D2HGDH: variants seen among roughly 807,000 people sequenced by gnomAD.
D2HGDH encodes the protein D-2-hydroxyglutarate dehydrogenase, mitochondrial.
Under a neutral mutation model 46.9 loss-of-function variants are expected in D2HGDH, and 31 were observed. The observed-to-expected ratio is 0.66, with a 90% CI of 0.50 to 0.89. The LOEUF (loss-of-function observed/expected upper bound fraction) is 0.89, where lower values mean the gene tolerates loss of function less well. D2HGDH is among the 40% of genes least tolerant of loss of function. The probability of loss-of-function intolerance (pLI) is 0.00; values close to 1 mark genes in which losing one functional copy is unlikely to be tolerated. For missense variants in D2HGDH, 698 were observed against 720.8 expected (o/e 0.97, Z 0.36); for synonymous variants, 364 against 332.6 (o/e 1.09, Z -1.03).
chr2:241,740,986 C>T, intron 2 of D2HGDH, 47 bp from the exon 3 acceptor site: 1 of 1,539,442 alleles, frequency 6.5e-7, no homozygotes, highest in Non-Finnish European at 9.0e-7. Context: ...CTTGCCTCAT[C>T]TGCAGCTCCC....
chr2:241,767,956 C>T lies in D2HGDH; in HGVS notation c.1553C>T (p.Pro518Leu). The change falls in exon 10 of 10, where the codon CCC becomes CTC. Residue 518 changes from proline (P) to leucine (L), a missense_variant. Pro to Leu is a moderately conservative substitution (Grantham distance 98). Coordinates refer to ENST00000321264, the MANE Select transcript of D2HGDH (RefSeq NM_152783.5). ...KGILNPYKTL[P>L]SQA ...ATCCTCAACCCCTACAAGACGCTGCCCAGCCAGGCCTGACGGCCACTCCTG... is the reference window on the plus strand; with the variant it reads ...ATCCTCAACCCCTACAAGACGCTGCTCAGCCAGGCCTGACGGCCACTCCTG... 2 of 1,593,112 alleles carry T rather than the reference C, an allele frequency of 1.3e-6. No homozygotes were observed. Among genetic ancestry groups the T allele is most frequent in the East Asian group, 2.3e-5 (1 of 44,060 alleles).
rs1474205291 is a variant in D2HGDH at position 241,768,255 on chromosome 2, G to A, written c.*286G>A. 4.1e-6 allele frequency: 2 copies of A among 487,634 alleles called. No individual in the cohort carries two copies. Among genetic ancestry groups the A allele is most frequent in the East Asian group, 7.0e-5 (2 of 28,714 alleles). 30.2% of individuals were successfully genotyped at this position (487,634 alleles called of 1,614,324 possible). ...CGGCAGCTTTGCCCACGTGGAAGCG[G>A]GGTGGGTCTCACTTGCGTGGTGGCC... is the stretch of plus-strand genomic sequence containing the variant. On this transcript the variant is annotated 3_prime_UTR_variant, in exon 10 of 10. Transcript: ENST00000321264.
rs182087612 is a variant in D2HGDH at position 241,737,860 on chromosome 2, G to C, written c.292+2344G>C. Among the ~76,000 whole-genome samples the C allele has an allele frequency of 1.1e-4, 17 of 152,338 alleles. No homozygotes were observed. The East Asian group carries it at 2.5e-3, about 22-fold the overall frequency. On this transcript the variant is annotated intron_variant, in intron 2 of 9. Coordinates refer to ENST00000321264, the MANE Select transcript of D2HGDH (RefSeq NM_152783.5). The stretch of plus-strand genomic sequence containing the variant: ...TTTAAACCTGTGGAACTGGCACCAG[G>C]TCCTGGGGCTGAACATAGGGTGTGC...
Position 241,768,110 on chromosome 2 carries a change from G to C in D2HGDH, c.*141G>C. On this transcript the variant is annotated 3_prime_UTR_variant, in exon 10 of 10. Coordinates refer to ENST00000321264, the MANE Select transcript of D2HGDH (RefSeq NM_152783.5). ...TTGAAGGGACTGGGAGCCCGCACTG[G>C]GGAACTGCCGGACGCAGGCCCTCGG... 1 of 1,269,530 alleles carries C rather than the reference G, an allele frequency of 7.9e-7. No individual in the cohort carries two copies. Among genetic ancestry groups the C allele is most frequent in the Non-Finnish European group, 1.1e-6 (1 of 945,828 alleles). The allele number at this position is 1,269,530 out of a possible 1,614,324, so 78.6% of individuals were successfully genotyped here. A position where few individuals can be genotyped will look rare whatever the true frequency, so the allele number is the denominator to read the frequency against.
intron 7 of D2HGDH, 62 bp downstream of exon 7, chr2:241,750,356 TG>T: frequency 7.9e-7 from 1 of 1,267,916 alleles, no homozygotes. Context: ...TCTGGACACA[TG>T]GGACGGCTCA....
At chr2:241,750,707 G>A (rs1472462720) in intron 7 of D2HGDH, among the ~76,000 whole-genome samples, 1 of 152,072 alleles carries the variant, frequency 6.6e-6, no homozygotes, top group Non-Finnish European at 1.5e-5. Flanking sequence ...ATGGAGTTTC[G>A]CACTGTGGCC....
chr2:241,743,611 ACT>A lies in D2HGDH; in HGVS notation c.491-6_491-5del, dbSNP rs1382912176. On this transcript the variant is annotated splice_polypyrimidine_tract_variant and intron_variant, in intron 4 of 9. Coordinates refer to ENST00000321264, the MANE Select transcript of D2HGDH (RefSeq NM_152783.5). The surrounding 1 kb of genome is among the most constrained non-coding windows in gnomAD (Gnocchi z 4.8). ...AGCCAAGTGCTGCGGCAGCCTGGTCACTCTCTGCAGGAATTCTGGTTTGCCAG... is the reference window on the plus strand; with the variant it reads ...AGCCAAGTGCTGCGGCAGCCTGGTCACTCTGCAGGAATTCTGGTTTGCCAG... The A allele has an allele frequency of 1.9e-5, 31 of 1,611,252 alleles. No individual in the cohort carries two copies. The highest frequency in any genetic ancestry group is 1.8e-4 in the Middle Eastern group (1 of 5,586).
At chr2:241,744,084 G>A (rs1012024486) in intron 5 of D2HGDH, among the ~76,000 whole-genome samples, 1 of 152,158 alleles carries the variant, frequency 6.6e-6, no homozygotes, top group Non-Finnish European at 1.5e-5. Flanking sequence ...ACACCGCCCC[G>A]GCAGTGGTGG....
rs758434670 is a variant in D2HGDH at position 241,735,374 on chromosome 2, G to A, written c.150G>A (p.Glu50=). Residue 50 remains glutamate (E), a synonymous_variant, in exon 2 of 10, where the codon GAG becomes GAA. Coordinates refer to ENST00000321264, the MANE Select transcript of D2HGDH (RefSeq NM_152783.5). ...CCCCCGAGGTGCCGCTGACCCGGGA[G>A]CGCTACCCCGTGCGGCGCTTGCCGT... The part of the protein sequence containing the change: ...PGTPEVPLTR[E]RYPVRRLPFS... 1 of 1,579,732 alleles carries A rather than the reference G, an allele frequency of 6.3e-7. No homozygotes were observed. Among genetic ancestry groups the A allele is most frequent in the East Asian group, 2.3e-5 (1 of 43,688 alleles).
intron 8 of D2HGDH, chr2:241,755,543 C>G: frequency 1.4e-6 from 2 of 1,399,850 alleles, no homozygotes; most frequent in Non-Finnish European, 1.9e-6. Context: ...GCCTGATTGC[C>G]GGAGTCCCAG....
At chr2:241,753,750 C>T (rs1305246892) in intron 8 of D2HGDH, among the ~76,000 whole-genome samples, 5 of 152,252 alleles carry the variant, frequency 3.3e-5, no homozygotes, top group South Asian at 2.1e-4. Context: ...CCTATCCACC[C>T]GTCACGTGTC....
At chr2:241,739,857 C>CTA (rs1461191087) in intron 2 of D2HGDH, among the ~76,000 whole-genome samples, 5 of 152,244 alleles carry the variant, frequency 3.3e-5, no homozygotes, top group Admixed American at 3.3e-4. Context: ...GCAGAGTCAG[C>CTA]TAAGAGGCCG....
Position 241,744,767 on chromosome 2 carries a change from G to A in D2HGDH, c.743G>A (p.Gly248Asp). Residue 248 changes from glycine (G) to aspartate (D), a missense_variant, in exon 6 of 10, where the codon GGC (glycine) becomes GAC (aspartate). Gly to Asp is a moderately conservative substitution (Grantham distance 94, BLOSUM62 -1). Coordinates refer to ENST00000321264, the MANE Select transcript of D2HGDH (RefSeq NM_152783.5). ...ACCTCCCTGAGGAAGGACAACACGG[G>A]CTATGACCTGAAGCAGCTGTTCATC... ...CLTSLRKDNTGYDLKQLFIGS... is the reference protein window; with the variant it reads ...CLTSLRKDNTDYDLKQLFIGS... 2 of 1,614,240 alleles carry A rather than the reference G, an allele frequency of 1.2e-6. No homozygotes were observed. The highest frequency in any genetic ancestry group is 2.2e-5 in the East Asian group (1 of 44,886).
chr2:241,763,724 T>A (rs1331937130), intron 9 of D2HGDH, among the ~76,000 whole-genome samples: 1 of 152,174 alleles, frequency 6.6e-6, no homozygotes, highest in African/African-American at 2.4e-5. Flanking sequence ...TTATGAAGCG[T>A]GACTGTATTC....
At chr2:241,759,012 CGTG>C (rs761476288) in intron 9 of D2HGDH, among the ~76,000 whole-genome samples, 2 of 152,048 alleles carry the variant, frequency 1.3e-5, no homozygotes, top group Non-Finnish European at 2.9e-5. Flanking sequence ...AATTTCCAAA[CGTG>C]GTGGTTTTCT....
chr2:241,738,357 C>A (rs1389419665), intron 2 of D2HGDH, among the ~76,000 whole-genome samples: 1 of 152,228 alleles, frequency 6.6e-6, no homozygotes, highest in Non-Finnish European at 1.5e-5. Context: ...GGCAGATGAC[C>A]CTCAGTGCCT....
At chr2:241,746,985 A>G (rs974306332) in intron 6 of D2HGDH, among the ~76,000 whole-genome samples, 2 of 151,068 alleles carry the variant, frequency 1.3e-5, no homozygotes, top group African/African-American at 2.4e-5. Context: ...AGTTTTTTTT[A>G]GAGACAAGGT....
chr2:241,757,379 C>A (rs1345176325), intron 9 of D2HGDH, among the ~76,000 whole-genome samples: 2 of 148,304 alleles, frequency 1.3e-5, no homozygotes, highest in Admixed American at 6.8e-5. Flanking sequence ...GTACGGGAGC[C>A]CCAGTATTTC....
In D2HGDH at chr2:241,764,046, A is replaced by C. The variant is rs548809013; in HGVS notation, c.1307-3664A>C. On this transcript the variant is annotated intron_variant, in intron 9 of 9. Transcript: ENST00000321264. ...GGGTGACAGAGGGAGACCCTGTCTCAAAAAAACAAAACCAAATGAACATAT... is the reference window on the plus strand; with the variant it reads ...GGGTGACAGAGGGAGACCCTGTCTCCAAAAAACAAAACCAAATGAACATAT... Among the ~76,000 whole-genome samples, 28 of 152,290 alleles carry C rather than the reference A, an allele frequency of 1.8e-4. No individual in the cohort carries two copies. The East Asian group carries it at 5.4e-3, about 29-fold the overall frequency.
Sources: allele counts gnomAD v4.1 joint callset (sites outside exome capture counted in the v4.1 genomes callset), GRCh38; gene constraint gnomAD v4.1.1; non-coding constraint Gnocchi (gnomAD v3.1); transcripts MANE v1.5; gene names NCBI Gene and HGNC (gene_info 2026-07-23, HGNC 2026-07-21).